The following EPSTI1 variants were observed in gnomAD, a reference collection of about 807,000 sequenced individuals.
EPSTI1 encodes epithelial stromal interaction 1.
In EPSTI1, 66 loss-of-function variants were observed where a neutral mutation model predicts 49.9. That is an observed-to-expected ratio of 1.32 (90% CI 1.08 to 1.62). EPSTI1 has a LOEUF of 1.62. Among genes scored for constraint, EPSTI1 ranks in the 40% most tolerant of loss-of-function variants. The pLI is 0.00. For synonymous variants in EPSTI1, 137 were observed against 130.7 expected, an observed-to-expected ratio of 1.05 and a Z score of -0.33; for missense variants, 394 against 365.5, an observed-to-expected ratio of 1.08 and a Z score of -0.64.
At chr13:42,905,726 C>T (rs2037480095) in intron 8 of EPSTI1, among the ~76,000 whole-genome samples, 1 of 152,158 alleles carries the variant, frequency 6.6e-6, no homozygotes, top group Admixed American at 6.5e-5. Flanking sequence ...GATATCAGCA[C>T]AGCTCCACCC....
chr13:42,929,520 C>T (rs753980042), intron 6 of EPSTI1, among the ~76,000 whole-genome samples: 5 of 152,196 alleles, frequency 3.3e-5, no homozygotes, highest in Non-Finnish European at 5.9e-5. Flanking sequence ...AGATAACTCA[C>T]CATTCCCTAT....
At chr13:42,907,928 C>G (rs959676766) in intron 8 of EPSTI1, among the ~76,000 whole-genome samples, 5 of 152,048 alleles carry the variant, frequency 3.3e-5, no homozygotes, top group Non-Finnish European at 5.9e-5. Context: ...AATAGAGAGT[C>G]CAAAAATACA....
intron 6 of EPSTI1, among the ~76,000 whole-genome samples, chr13:42,945,940 T>C (rs1354337916): frequency 1.3e-5 from 2 of 152,254 alleles, no homozygotes; most frequent in East Asian, 3.8e-4. Flanking sequence ...TTTTTGTATC[T>C]ATAAGTTCAC....
At chr13:42,903,965 T>C (rs921242210) in intron 8 of EPSTI1, among the ~76,000 whole-genome samples, 1 of 152,254 alleles carries the variant, frequency 6.6e-6, no homozygotes, top group African/African-American at 2.4e-5. Flanking sequence ...AGGATATGCA[T>C]AGGCTAATTC....
At chr13:42,963,605 T>C in intron 4 of EPSTI1, 1 of 477,998 alleles carries the variant, frequency 2.1e-6, no homozygotes, top group Non-Finnish European at 3.7e-6. Context: ...TCTCTCTGTG[T>C]GTATGTGTGT....
chr13:42,953,849 C>T (rs2039178057), intron 6 of EPSTI1, 99 bp downstream of exon 6: 2 of 864,570 alleles, frequency 2.3e-6, no homozygotes, highest in African/African-American at 1.7e-5. Flanking sequence ...AGCCAATAAT[C>T]CAATACCAGG....
chr13:42,967,309 A>AGG lies in EPSTI1; in HGVS notation c.331+1784_331+1785insCC, dbSNP rs1448423020. Among the ~76,000 whole-genome samples the AGG allele has an allele frequency of 2.7e-5, 4 of 148,688 alleles. 1 individual carries two copies. Among genetic ancestry groups the AGG allele is most frequent in the African/African-American group, 1.0e-4 (4 of 39,440 alleles). ...TAAATTAAAAAAAAAAAAAAAAAAA[A>AGG]AAGAAAATCAGCTGGAGACCTCAAC... On this transcript the variant is annotated intron_variant, in intron 3 of 10. Coordinates refer to ENST00000313624, the MANE Select transcript of EPSTI1 (RefSeq NM_033255.5).
At chr13:42,938,314 TC>T (rs2038632766) in intron 6 of EPSTI1, among the ~76,000 whole-genome samples, 1 of 152,144 alleles carries the variant, frequency 6.6e-6, no homozygotes. Flanking sequence ...AGGAATCTTT[TC>T]TTCTAAGCAG....
At chr13:42,942,300 T>A (rs1395067965) in intron 6 of EPSTI1, among the ~76,000 whole-genome samples, 1 of 152,204 alleles carries the variant, frequency 6.6e-6, no homozygotes, top group East Asian at 1.9e-4. Context: ...CTGTATACAT[T>A]TTTTGTGAAT....
At chr13:42,914,725 C>T (rs1246373852) in intron 8 of EPSTI1, among the ~76,000 whole-genome samples, 1 of 152,038 alleles carries the variant, frequency 6.6e-6, no homozygotes, top group African/African-American at 2.4e-5. Context: ...AAGGGGTTAG[C>T]TGGTTTATTT....
At chr13:42,937,779 C>T (rs772132214) in intron 6 of EPSTI1, among the ~76,000 whole-genome samples, 5 of 152,140 alleles carry the variant, frequency 3.3e-5, no homozygotes, top group Non-Finnish European at 7.3e-5. Flanking sequence ...TGGGATCATC[C>T]TCTTCCATAT....
chr13:42,905,962 T>C (rs1221051266), intron 8 of EPSTI1, among the ~76,000 whole-genome samples: 1 of 152,180 alleles, frequency 6.6e-6, no homozygotes, highest in African/African-American at 2.4e-5. Context: ...CGAGGGTAGG[T>C]TGGTGATATG....
At chr13:42,912,412 A>G (rs1191375414) in intron 8 of EPSTI1, among the ~76,000 whole-genome samples, 1 of 152,206 alleles carries the variant, frequency 6.6e-6, no homozygotes, top group Non-Finnish European at 1.5e-5. Flanking sequence ...GGCTGGGCTC[A>G]GGGAAACAGG....
At chr13:42,980,289 G>A (rs2039964543) in intron 1 of EPSTI1, among the ~76,000 whole-genome samples, 1 of 152,168 alleles carries the variant, frequency 6.6e-6, no homozygotes, top group South Asian at 2.1e-4. Flanking sequence ...TAGAAAAAGA[G>A]TATCTGTCAC....
At chr13:42,944,467 A>G (rs1257940737) in intron 6 of EPSTI1, among the ~76,000 whole-genome samples, 1 of 152,196 alleles carries the variant, frequency 6.6e-6, no homozygotes, top group Non-Finnish European at 1.5e-5. Context: ...GGAGTTGAAC[A>G]ACGAGAACAC....
At chr13:42,900,043 A>C (rs1453764016) in intron 9 of EPSTI1, among the ~76,000 whole-genome samples, 3 of 152,214 alleles carry the variant, frequency 2.0e-5, no homozygotes, top group African/African-American at 7.2e-5. Flanking sequence ...AATTGAACAC[A>C]CAAGAACATG....
chr13:42,942,610 T>C (rs1165918138), intron 6 of EPSTI1, among the ~76,000 whole-genome samples: 1 of 149,184 alleles, frequency 6.7e-6, no homozygotes, highest in Non-Finnish European at 1.5e-5. Context: ...TCCTTGTGCC[T>C]CTTCTAGTGC....
chr13:42,990,791 T>C (rs1198394166), intron 1 of EPSTI1, among the ~76,000 whole-genome samples: 2 of 152,184 alleles, frequency 1.3e-5, no homozygotes, highest in Non-Finnish European at 2.9e-5. Context: ...TACTGTTTCT[T>C]AGCAACCAGG....
At chr13:42,893,658 C>T (rs892479554) in intron 10 of EPSTI1, among the ~76,000 whole-genome samples, 2 of 152,166 alleles carry the variant, frequency 1.3e-5, no homozygotes, top group Non-Finnish European at 2.9e-5. Flanking sequence ...TCAGCAGAAG[C>T]CTATGCAATA....
Sources: gnomAD v4.1 joint callset for allele counts (sites outside exome capture counted in the v4.1 genomes callset) on GRCh38, gnomAD v4.1.1 for gene constraint, MANE v1.5 for transcripts, NCBI Gene and HGNC (gene_info 2026-07-23, HGNC 2026-07-21) for gene names.